SLC1A1: variants seen among roughly 807,000 people sequenced by gnomAD.
SLC1A1 encodes the protein excitatory amino acid transporter 3.
SLC1A1 carries 43 observed loss-of-function variants against 53.3 expected under a neutral mutation model. The observed-to-expected ratio is 0.81, with a 90% CI of 0.63 to 1.04. The LOEUF is 1.04. Among genes scored for constraint, SLC1A1 ranks in the 50% least tolerant of loss-of-function variants. SLC1A1 has a pLI of 0.00. For missense variants in SLC1A1, 748 were observed against 664.9 expected (o/e 1.12, Z -1.37); for synonymous variants, 307 against 243.2 (o/e 1.26, Z -2.44).
chr9:4,533,693 T>A lies in SLC1A1; in HGVS notation c.92-10874T>A, dbSNP rs573209437. Among the ~76,000 whole-genome samples the A allele has an allele frequency of 2.2e-3, 329 of 152,268 alleles. 1 individual carries two copies. Among genetic ancestry groups the A allele is most frequent in the African/African-American group, 7.6e-3 (317 of 41,544 alleles). On this transcript the variant is annotated intron_variant, in intron 1 of 11. Transcript: ENST00000262352. ...TAACAAGGATATCCAGGAATTGAACTCAGCTCTGCACCAAGCAGACCTAAC... is the reference window on the plus strand; with the variant it reads ...TAACAAGGATATCCAGGAATTGAACACAGCTCTGCACCAAGCAGACCTAAC...
chr9:4,536,923 C>G (rs1266798205), intron 1 of SLC1A1, among the ~76,000 whole-genome samples: 2 of 151,828 alleles, frequency 1.3e-5, no homozygotes, highest in East Asian at 1.9e-4. Flanking sequence ...AACCATCATT[C>G]TCAGCAAACT....
intron 1 of SLC1A1, among the ~76,000 whole-genome samples, chr9:4,533,662 G>C (rs1302010097): frequency 6.6e-6 from 1 of 152,128 alleles, no homozygotes; most frequent in Admixed American, 6.5e-5. Flanking sequence ...CAACGAGACA[G>C]AAAGTTAACA....
At chr9:4,514,952 T>C (rs1483977797) in intron 1 of SLC1A1, among the ~76,000 whole-genome samples, 1 of 152,062 alleles carries the variant, frequency 6.6e-6, no homozygotes, top group Non-Finnish European at 1.5e-5. Context: ...CACTCACTTG[T>C]CTTCTGACTG....
chr9:4,514,642 T>C (rs777868404), intron 1 of SLC1A1, among the ~76,000 whole-genome samples: 37 of 151,920 alleles, frequency 2.4e-4, no homozygotes, highest in Non-Finnish European at 4.7e-4. Flanking sequence ...GTGGGCATGG[T>C]TGGGGTTGGG....
At chr9:4,530,787 G>C (rs76335986) in intron 1 of SLC1A1, among the ~76,000 whole-genome samples, 3,339 of 152,154 alleles carry the variant, frequency 0.022, 130 homozygotes, top group African/African-American at 0.077. Context: ...GATATATTTG[G>C]ATATTAATAA....
intron 10 of SLC1A1, 120 bp from the exon 11 acceptor site, chr9:4,582,918 C>A: frequency 7.7e-7 from 1 of 1,303,602 alleles, no homozygotes. Flanking sequence ...ATTCTAACTA[C>A]CCAATTTAGG....
chr9:4,584,719 C>T (rs557646110), intron 11 of SLC1A1, among the ~76,000 whole-genome samples: 3 of 152,292 alleles, frequency 2.0e-5, no homozygotes, highest in South Asian at 4.1e-4. Flanking sequence ...GAAATTAAGA[C>T]TGGATGAGGG....
intron 1 of SLC1A1, among the ~76,000 whole-genome samples, chr9:4,529,308 T>C (rs747940673): frequency 1.3e-4 from 20 of 152,190 alleles, no homozygotes; most frequent in African/African-American, 4.8e-4. Flanking sequence ...TACATCTACC[T>C]AATTATGGGC....
At chr9:4,503,669 G>A (rs1044434833) in intron 1 of SLC1A1, among the ~76,000 whole-genome samples, 3 of 151,872 alleles carry the variant, frequency 2.0e-5, no homozygotes, top group Admixed American at 6.6e-5. Context: ...TTCAATTTCA[G>A]TATTACATGG....
At chr9:4,559,184 G>A (rs1422915735) in intron 2 of SLC1A1, among the ~76,000 whole-genome samples, 2 of 152,062 alleles carry the variant, frequency 1.3e-5, no homozygotes, top group African/African-American at 4.8e-5. Context: ...CTTACTGGGA[G>A]GAAAAGAAAG....
At chr9:4,535,568 C>G (rs1416506125) in intron 1 of SLC1A1, among the ~76,000 whole-genome samples, 3 of 152,092 alleles carry the variant, frequency 2.0e-5, no homozygotes, top group Admixed American at 6.5e-5. Context: ...AGGATACAAA[C>G]AAATGGAAGA....
chr9:4,568,695 CAAA>C (rs57351478), intron 6 of SLC1A1, among the ~76,000 whole-genome samples: 5 of 102,742 alleles, frequency 4.9e-5, no homozygotes, highest in Admixed American at 1.0e-4. Flanking sequence ...ACTCTTGTTT[CAAA>C]AAAAAAAAAA....
chr9:4,509,049 G>C (rs1820902117), intron 1 of SLC1A1, among the ~76,000 whole-genome samples: 1 of 152,176 alleles, frequency 6.6e-6, no homozygotes, highest in Admixed American at 6.5e-5. Context: ...GCCTAGGAAA[G>C]GCTTTCTGGA....
chr9:4,582,515 C>T (rs1821193821), intron 10 of SLC1A1, among the ~76,000 whole-genome samples: 3 of 152,254 alleles, frequency 2.0e-5, no homozygotes, highest in African/African-American at 4.8e-5. Flanking sequence ...CCTTGCCCAT[C>T]TGCCCCTACA....
At position 4,561,465 on chromosome 9, in the gene SLC1A1, T is replaced by C. The variant is rs1292258726; in HGVS notation, c.249T>C (p.Asp83=). 7 of 1,606,370 alleles carry C rather than the reference T, an allele frequency of 4.4e-6. No homozygotes were observed. The highest frequency in any genetic ancestry group is 1.3e-5 in the African/African-American group (1 of 74,760). Residue 83 remains aspartate, a synonymous_variant, in exon 3 of 12, where the codon GAT becomes GAC. Coordinates refer to ENST00000262352, the MANE Select transcript of SLC1A1 (RefSeq NM_004170.6). ...SSMITGVAAL[D]SNVSGKIGLR... is the part of the protein sequence containing the mutation. ...CCCCTTCAGGTGTTGCTGCACTGGA[T>C]TCCAACGTATCCGGAAAAATTGGTC...
chr9:4,544,523 C>A (rs1157849099), intron 1 of SLC1A1, 44 bp from the exon 2 acceptor site: 1 of 1,592,044 alleles, frequency 6.3e-7, no homozygotes, highest in South Asian at 1.1e-5. Flanking sequence ...CAGGAGAACT[C>A]AATAATGTTC....
intron 1 of SLC1A1, among the ~76,000 whole-genome samples, chr9:4,499,412 C>T (rs914181320): frequency 4.6e-5 from 7 of 152,142 alleles, no homozygotes; most frequent in African/African-American, 1.7e-4. Flanking sequence ...TCCTTCTGGC[C>T]TCGCCAAAGT....
At chr9:4,513,131 T>C (rs909561484) in intron 1 of SLC1A1, among the ~76,000 whole-genome samples, 2 of 151,658 alleles carry the variant, frequency 1.3e-5, no homozygotes, top group African/African-American at 4.9e-5. Flanking sequence ...AGGGGTAAAA[T>C]CTACATGAGC....
At chr9:4,531,078 G>A (rs1166012998) in intron 1 of SLC1A1, among the ~76,000 whole-genome samples, 7 of 152,212 alleles carry the variant, frequency 4.6e-5, no homozygotes, top group Admixed American at 4.6e-4. Flanking sequence ...ATTTGGGGTG[G>A]AGCCAAGATG....
Sources: allele counts gnomAD v4.1 joint callset (sites outside exome capture counted in the v4.1 genomes callset), GRCh38; gene constraint gnomAD v4.1.1; transcripts MANE v1.5; gene names NCBI Gene and HGNC (gene_info 2026-07-23, HGNC 2026-07-21).